The following LIG4 variants were observed in gnomAD, a reference collection of about 807,000 sequenced individuals.
LIG4 encodes DNA joinase.
Under a neutral mutation model 19.0 loss-of-function variants are expected in LIG4, and 13 were observed. That is an observed-to-expected ratio of 0.68 (90% CI 0.44 to 1.09). The LOEUF is 1.09. Ranked by LOEUF, LIG4 falls within the 50% of genes least tolerant of loss-of-function variation. LIG4 has a pLI of 0.00. For missense variants in LIG4, 1,026 were observed against 1,089.7 expected (o/e 0.94, Z 0.82); for synonymous variants, 361 against 358.2 (o/e 1.01, Z -0.09).
intron 2 of LIG4, among the ~76,000 whole-genome samples, chr13:108,213,703 T>C (rs1878908045): frequency 6.6e-6 from 1 of 152,226 alleles, no homozygotes; most frequent in African/African-American, 2.4e-5. Flanking sequence ...TTTTAGACTC[T>C]AATAAATCTG....
chr13:108,216,914 T>A (rs1257783697), upstream of LIG4, among the ~76,000 whole-genome samples: 1 of 152,236 alleles, frequency 6.6e-6, no homozygotes, highest in Non-Finnish European at 1.5e-5. Context: ...CAAGGGTTTT[T>A]TTCACTAAGT....
At chr13:108,213,091 T>A (rs1366928273) in intron 2 of LIG4, among the ~76,000 whole-genome samples, 1 of 152,136 alleles carries the variant, frequency 6.6e-6, no homozygotes, top group African/African-American at 2.4e-5. Context: ...TTCTACTGAG[T>A]GGGTTAGATC....
upstream of LIG4, among the ~76,000 whole-genome samples, chr13:108,217,237 C>A (rs1400046612): frequency 1.3e-5 from 2 of 152,108 alleles, no homozygotes; most frequent in Non-Finnish European, 2.9e-5. Flanking sequence ...AAAATTAGGC[C>A]GGGCCTGGTG....
In LIG4 at chr13:108,210,275, T is replaced by C; in HGVS notation, c.994A>G (p.Met332Val). ...TGTGTATTAGGATTATAGGCCATCATCTCACCATCAAGAATACAGATTTGT... is the reference window on the plus strand; with the variant it reads ...TGTGTATTAGGATTATAGGCCATCACCTCACCATCAAGAATACAGATTTGT... ...DIQICILDGE[M>V]MAYNPNTQTF... Residue 332 changes from methionine (M) to valine (V), a missense_variant, in exon 3 of 3, where the codon ATG becomes GTG. By Grantham distance (21) the Met-to-Val change is conservative. Coordinates refer to ENST00000442234, the MANE Select transcript of LIG4 (RefSeq NM_206937.2). 6.2e-7 allele frequency: 1 copy of C among 1,613,992 alleles called. No individual in the cohort carries two copies. The highest frequency in any genetic ancestry group is 8.5e-7 in the Non-Finnish European group (1 of 1,179,928).
At chr13:108,216,680 T>TTAAG, upstream of LIG4, among the ~76,000 whole-genome samples, 1 of 152,308 alleles carries the variant, frequency 6.6e-6, no homozygotes, top group Non-Finnish European at 1.5e-5. Flanking sequence ...ATGAATAGTG[T>TTAAG]TAAGGTAGAG....
chr13:108,210,181 C>A lies in LIG4; in HGVS notation c.1088G>T (p.Cys363Phe). 1.9e-6 allele frequency: 3 copies of A among 1,613,794 alleles called. No individual in the cohort carries two copies. The highest frequency in any genetic ancestry group is 2.5e-6 in the Non-Finnish European group (3 of 1,179,938). ...CATCAATACATCAAAAACACAATAA[C>A]AAGTTTGCAGATCAGAATCCTCTAC... is the stretch of plus-strand genomic sequence containing the variant. ...RMVEDSDLQT[C>F]YCVFDVLMVN... Residue 363 changes from cysteine to phenylalanine, a missense_variant, in exon 3 of 3, where the codon TGT (cysteine) becomes TTT (phenylalanine). Physicochemically the swap from Cys to Phe is radical, Grantham distance 205. Around this residue, in one of 3 missense-constraint regions of LIG4, gnomAD observed 493 missense variants for 544.5 expected, o/e 0.91. Transcript: ENST00000442234.
chr13:108,209,019 G>C lies in LIG4; in HGVS notation c.2250C>G (p.Thr750=). 6.2e-7 allele frequency: 1 copy of C among 1,614,096 alleles called. No homozygotes were observed. The highest frequency in any genetic ancestry group is 1.1e-5 in the South Asian group (1 of 91,080). The part of the protein sequence containing the change: ...PRFMIHMCPS[T]KEHFAREYDC... ...CATATTCACGGGCAAAATGTTCTTT[G>C]GTTGATGGGCACATATGAATCATAA... The change falls in exon 3 of 3, where the codon ACC becomes ACG. Residue 750 remains threonine (T), a synonymous_variant. Coordinates refer to ENST00000442234, the MANE Select transcript of LIG4 (RefSeq NM_206937.2).
At position 108,210,030 on chromosome 13, in the gene LIG4, T is replaced by C. The variant is rs1342090676; in HGVS notation, c.1239A>G (p.Glu413=). Residue 413 remains glutamate (E), a synonymous_variant, in exon 3 of 3, where the codon GAA becomes GAG. Coordinates refer to ENST00000442234, the MANE Select transcript of LIG4 (RefSeq NM_206937.2). ...TTGCTTCATTCAATGCATCAATTAC[T>C]TCATTCTTAGTATGAGCTTGTGTTT... ...VQKTQAHTKN[E]VIDALNEAID... 5 of 1,612,268 alleles carry C rather than the reference T, an allele frequency of 3.1e-6. No individual in the cohort carries two copies. Among genetic ancestry groups the C allele is most frequent in the Non-Finnish European group, 4.2e-6 (5 of 1,179,994 alleles).
At chr13:108,213,882 T>C (rs1196207382) in intron 2 of LIG4, among the ~76,000 whole-genome samples, 1 of 152,140 alleles carries the variant, frequency 6.6e-6, no homozygotes, top group Non-Finnish European at 1.5e-5. Context: ...AAGTAGTAAG[T>C]CTTGATAATT....
Position 108,210,486 on chromosome 13 carries a change from C to T in LIG4, c.783G>A (p.Lys261=). ...AAIADIEHIE[K]DMKHQSFYIE... The stretch of plus-strand genomic sequence containing the variant: ...TGTAGAAACTCTGATGTTTCATATC[C>T]TTCTCAATGTGCTCAATATCTGCAA... Residue 261 remains lysine, a synonymous_variant, in exon 3 of 3, where the codon AAG becomes AAA. Transcript: ENST00000442234. 1 of 1,613,034 alleles carries T rather than the reference C, an allele frequency of 6.2e-7. No homozygotes were observed. The highest frequency in any genetic ancestry group is 1.3e-5 in the African/African-American group (1 of 75,034).
rs753787438 is a variant in LIG4, at chr13:108,209,906, C to T, written c.1363G>A (p.Val455Ile). ...EGWLKIKPEY[V>I]SGLMDELDIL... ...TCCAATTCATCCATTAGTCCACTGACATACTCTGGTTTAATTTTTAACCAC... is the reference window on the plus strand; with the variant it reads ...TCCAATTCATCCATTAGTCCACTGATATACTCTGGTTTAATTTTTAACCAC... The change falls in exon 3 of 3, where the codon GTC (valine) becomes ATC (isoleucine). Residue 455 changes from valine to isoleucine, a missense_variant. This residue lies in a region of LIG4 where 493 missense variants were observed against 544.5 expected (regional missense o/e 0.91). Transcript: ENST00000442234. 1 of 1,614,174 alleles carries T rather than the reference C, an allele frequency of 6.2e-7. No individual in the cohort carries two copies.
In LIG4 at chr13:108,208,298, C is replaced by T. The variant is rs966989318; in HGVS notation, c.*235G>A. On this transcript the variant is annotated 3_prime_UTR_variant, in exon 3 of 3. Coordinates refer to ENST00000442234, the MANE Select transcript of LIG4 (RefSeq NM_206937.2). Reference sequence around the variant, plus strand: ...CCTCTTCTTTAGACTGTTTATTTCACCTTGATCATAAAAAATCATTGAATA... The same window carrying T: ...CCTCTTCTTTAGACTGTTTATTTCATCTTGATCATAAAAAATCATTGAATA... The T allele has an allele frequency of 2.3e-6, 1 of 426,610 alleles. No individual in the cohort carries two copies. The highest frequency in any genetic ancestry group is 4.2e-6 in the Non-Finnish European group (1 of 237,684). The allele number at this position is 426,610 out of a possible 1,614,324, so 26.4% of individuals were successfully genotyped here. A position where few individuals can be genotyped will look rare whatever the true frequency, so the allele number is the denominator to read the frequency against.
At chr13:108,218,083 T>TA (rs1373899509), upstream of LIG4, 3 of 152,228 alleles carry the variant, frequency 2.0e-5, no homozygotes, top group African/African-American at 7.2e-5. Flanking sequence ...GAAAAATAGT[T>TA]ATGGAAGCGC....
At position 108,208,411 on chromosome 13, in the gene LIG4, TG is replaced by T; in HGVS notation, c.*121del. On this transcript the variant is annotated 3_prime_UTR_variant, in exon 3 of 3. Transcript: ENST00000442234. The stretch of plus-strand genomic sequence containing the variant: ...AAAATTATTGTTTTCCTATATGTAA[TG>T]ATACTTTTTAGGCATAGATTTTTAA... The T allele has an allele frequency of 1.5e-6, 1 of 686,992 alleles. No homozygotes were observed. Among genetic ancestry groups the T allele is most frequent in the Non-Finnish European group, 2.5e-6 (1 of 401,066 alleles). 42.6% of individuals were successfully genotyped at this position (686,992 alleles called of 1,614,324 possible).
chr13:108,214,394 T>C (rs1304006109), intron 2 of LIG4, 144 bp downstream of exon 2: 1 of 152,060 alleles, frequency 6.6e-6, no homozygotes, highest in Non-Finnish European at 1.5e-5. Context: ...AGAAATAAAG[T>C]AATTCCCTCC....
At chr13:108,213,819 G>A (rs1878918959) in intron 2 of LIG4, among the ~76,000 whole-genome samples, 1 of 152,178 alleles carries the variant, frequency 6.6e-6, no homozygotes, top group African/African-American at 2.4e-5. Context: ...TAAAAACTAT[G>A]TAGAAATTAG....
chr13:108,209,951 G>C lies in LIG4; in HGVS notation c.1318C>G (p.Pro440Ala), dbSNP rs748651196. The C allele has an allele frequency of 1.9e-6, 3 of 1,613,716 alleles. No individual in the cohort carries two copies. The South Asian group carries it at 3.3e-5, about 18-fold the overall frequency. The change falls in exon 3 of 3, where the codon CCA becomes GCA. Residue 440 changes from proline to alanine, a missense_variant. This residue lies in a region of LIG4 where 493 missense variants were observed against 544.5 expected (regional missense o/e 0.91). Coordinates refer to ENST00000442234, the MANE Select transcript of LIG4 (RefSeq NM_206937.2). ...MVKQPLSIYKPDKRGEGWLKI... is the reference protein window; with the variant it reads ...MVKQPLSIYKADKRGEGWLKI... ...AACCACCCTTCACCTCTTTTGTCTG[G>C]CTTGTAGATGGATAGAGGTTGTTTT...
chr13:108,210,955 T>A lies in LIG4; in HGVS notation c.314A>T (p.Asp105Val). 3 of 1,613,682 alleles carry A rather than the reference T, an allele frequency of 1.9e-6. No individual in the cohort carries two copies. Among genetic ancestry groups the A allele is most frequent in the African/African-American group, 1.3e-5 (1 of 75,026 alleles). The change falls in exon 3 of 3, where the codon GAT becomes GTT. Residue 105 changes from aspartate to valine, a missense_variant. Around this residue, in one of 3 missense-constraint regions of LIG4, gnomAD observed 493 missense variants for 544.5 expected, o/e 0.91. Transcript: ENST00000442234. ...TCTGTAGTTTAAAAGTTTGAGGGCA[T>A]CTTTTCCATCTCTAGGTAAATTAAG... ...ELLNLPRDGKDALKLLNYRTP... is the reference protein window; with the variant it reads ...ELLNLPRDGKVALKLLNYRTP...
intron 2 of LIG4, among the ~76,000 whole-genome samples, chr13:108,212,476 G>A (rs1257528102): frequency 6.6e-6 from 1 of 152,116 alleles, no homozygotes; most frequent in Admixed American, 6.5e-5. Flanking sequence ...TTTAAACTAT[G>A]TAATGTTAAA....
Sources: gnomAD v4.1 joint callset for allele counts (sites outside exome capture counted in the v4.1 genomes callset) on GRCh38, gnomAD v4.1.1 for gene constraint, gnomAD v4.1.1 regional missense constraint, MANE v1.5 for transcripts, NCBI Gene and HGNC (gene_info 2026-07-23, HGNC 2026-07-21) for gene names.